The following KSR2 variants were observed in gnomAD, a reference collection of about 807,000 sequenced individuals.
The protein encoded by KSR2 is kinase suppressor of ras 2.
Under a neutral mutation model 107.8 loss-of-function variants are expected in KSR2, and 25 were observed. That is an observed-to-expected ratio of 0.23 (90% confidence interval 0.17 to 0.32). KSR2 has a LOEUF of 0.32. Ranked by LOEUF, KSR2 falls within the 10% of genes least tolerant of loss-of-function variation. The pLI is 1.00. For synonymous variants in KSR2, 480 were observed against 507.0 expected (o/e 0.95, Z 0.71); for missense variants, 887 against 1,268.9 (o/e 0.70, Z 4.57).
chr12:117,889,142 C>T (rs1593342665), intron 1 of KSR2, among the ~76,000 whole-genome samples: 1 of 152,296 alleles, frequency 6.6e-6, no homozygotes, highest in East Asian at 1.9e-4. Context: ...GAACCCAGGT[C>T]ACCTAACTCC....
chr12:117,965,301 C>T (rs1214092469), intron 1 of KSR2, among the ~76,000 whole-genome samples: 2 of 152,206 alleles, frequency 1.3e-5, no homozygotes, highest in Admixed American at 6.5e-5. Context: ...ACTGAGCCAA[C>T]TGAAGCAGCT....
intron 1 of KSR2, among the ~76,000 whole-genome samples, chr12:117,863,172 G>T (rs978021005): frequency 2.6e-5 from 4 of 152,184 alleles, no homozygotes; most frequent in Non-Finnish European, 2.9e-5. Context: ...TGTGACCCAG[G>T]CCCCACCAAA....
chr12:117,533,644 T>A (rs888420486), intron 10 of KSR2, among the ~76,000 whole-genome samples: 2 of 152,162 alleles, frequency 1.3e-5, no homozygotes, highest in Admixed American at 6.5e-5. Flanking sequence ...GGGCTAAAAT[T>A]AAAACAGGAA....
At chr12:117,571,589 C>T (rs1878899439) in intron 7 of KSR2, among the ~76,000 whole-genome samples, 1 of 152,092 alleles carries the variant, frequency 6.6e-6, no homozygotes, top group African/African-American at 2.4e-5. Context: ...GAAATCTGAT[C>T]AGAACACAAG....
rs1312703703 is a variant in KSR2 at position 117,455,626 on chromosome 12, TAAC to T, written c.*11570_*11572del. On this transcript the variant is annotated 3_prime_UTR_variant, in exon 20 of 20. Transcript: ENST00000339824. ...TTTTTCCAGAATCACAGGAGGCACT[TAAC>T]AAATATTTACTAAATGACTATATAA... 7 of 152,182 alleles carry T rather than the reference TAAC, an allele frequency of 4.6e-5. No individual in the cohort carries two copies. The highest frequency in any genetic ancestry group is 7.3e-5 in the Non-Finnish European group (5 of 68,066). The allele number at this position is 152,182 out of a possible 1,614,324, so 9.4% of individuals were successfully genotyped here.
intron 1 of KSR2, among the ~76,000 whole-genome samples, chr12:117,922,256 A>G (rs1895367546): frequency 6.6e-6 from 1 of 152,196 alleles, no homozygotes; most frequent in Admixed American, 6.5e-5. Flanking sequence ...AAATGCTTTA[A>G]CTTCTTCCCA....
chr12:117,562,738 C>T (rs919909217), intron 7 of KSR2, among the ~76,000 whole-genome samples: 1 of 152,150 alleles, frequency 6.6e-6, no homozygotes, highest in Non-Finnish European at 1.5e-5. Context: ...TTCTCTCTTG[C>T]AGTAATGGAA....
chr12:117,703,030 A>T (rs76236574), intron 4 of KSR2, among the ~76,000 whole-genome samples: 2,095 of 152,210 alleles, frequency 0.014, 54 homozygotes, highest in African/African-American at 0.046. Flanking sequence ...TTCTCTCCAG[A>T]CTCAGACTTA....
chr12:117,616,454 T>A (rs1258834829), intron 5 of KSR2, among the ~76,000 whole-genome samples: 1 of 152,176 alleles, frequency 6.6e-6, no homozygotes, highest in Non-Finnish European at 1.5e-5. Context: ...ATGCCTGCTC[T>A]TTTCTCTGGA....
chr12:117,791,091 C>T (rs140660941), intron 3 of KSR2, among the ~76,000 whole-genome samples: 218 of 152,296 alleles, frequency 1.4e-3, no homozygotes, highest in Middle Eastern at 0.014. Flanking sequence ...CAGAGCATAG[C>T]CCACATCTCT....
intron 9 of KSR2, among the ~76,000 whole-genome samples, chr12:117,546,124 T>A (rs1876852080): frequency 6.6e-6 from 1 of 152,218 alleles, no homozygotes; most frequent in Non-Finnish European, 1.5e-5. Flanking sequence ...GTTTAGAAAA[T>A]ACTTTTCAGT....
chr12:117,476,339 A>C (rs1272166086), intron 17 of KSR2, 125 bp downstream of exon 17: 1 of 1,249,560 alleles, frequency 8.0e-7, no homozygotes, highest in Non-Finnish European at 1.1e-6. Context: ...ATTCTCACCC[A>C]AAAATCCAGC....
At chr12:117,703,151 T>C (rs1407552088) in intron 4 of KSR2, among the ~76,000 whole-genome samples, 1 of 152,212 alleles carries the variant, frequency 6.6e-6, no homozygotes, top group Non-Finnish European at 1.5e-5. Context: ...CAGATGGCTC[T>C]GGAGTCAGGC....
intron 4 of KSR2, among the ~76,000 whole-genome samples, chr12:117,757,406 T>C (rs569665494): frequency 2.8e-4 from 42 of 152,352 alleles, no homozygotes; most frequent in African/African-American, 1.0e-3. Context: ...GCCTTGAACA[T>C]TGTTGAAATG....
intron 5 of KSR2, among the ~76,000 whole-genome samples, chr12:117,611,793 A>G (rs1279443810): frequency 6.6e-6 from 1 of 152,214 alleles, no homozygotes; most frequent in Non-Finnish European, 1.5e-5. Flanking sequence ...CTAAAAAGAA[A>G]GGAAATTCTG....
At chr12:117,900,364 A>G (rs1016003644) in intron 1 of KSR2, among the ~76,000 whole-genome samples, 1 of 152,208 alleles carries the variant, frequency 6.6e-6, no homozygotes, top group African/African-American at 2.4e-5. Flanking sequence ...AGACCCTATA[A>G]GAAAGAAACC....
At chr12:117,675,150 G>T (rs549029761) in intron 4 of KSR2, among the ~76,000 whole-genome samples, 19 of 152,144 alleles carry the variant, frequency 1.2e-4, no homozygotes, top group Non-Finnish European at 2.1e-4. Context: ...ATCCCAGCTG[G>T]AATTCTGCAT....
intron 5 of KSR2, among the ~76,000 whole-genome samples, chr12:117,614,398 G>A (rs549486426): frequency 6.6e-6 from 1 of 152,234 alleles, no homozygotes; most frequent in East Asian, 1.9e-4. Flanking sequence ...TTTATTCTAA[G>A]GATAAGATAC....
chr12:117,759,778 G>A (rs552155319), intron 4 of KSR2, among the ~76,000 whole-genome samples: 1 of 152,326 alleles, frequency 6.6e-6, no homozygotes, highest in South Asian at 2.1e-4. Flanking sequence ...TTAGCATGCT[G>A]TCTTCAAGGT....
Sources: allele counts gnomAD v4.1 joint callset (sites outside exome capture counted in the v4.1 genomes callset), GRCh38; gene constraint gnomAD v4.1.1; transcripts MANE v1.5; gene names NCBI Gene and HGNC (gene_info 2026-07-23, HGNC 2026-07-21).